C2orf76: variants seen among roughly 807,000 people sequenced by gnomAD.
C2orf76 encodes the protein chromosome 2 open reading frame 76.
Under a neutral mutation model 16.9 loss-of-function variants are expected in C2orf76, and 23 were observed. The ratio of observed to expected loss-of-function variants is 1.36; its 90% CI spans 0.98 to 1.93. The LOEUF (loss-of-function observed/expected upper bound fraction) is 1.93, where lower values mean the gene tolerates loss of function less well. C2orf76 is among the 30% of genes most tolerant of loss of function. The probability of loss-of-function intolerance (pLI) is 0.00; values close to 1 mark genes in which losing one functional copy is unlikely to be tolerated. For missense variants in C2orf76, 152 were observed against 152.6 expected, an observed-to-expected ratio of 1.00 and a Z score of 0.02; for synonymous variants, 48 against 52.3, an observed-to-expected ratio of 0.92 and a Z score of 0.35.
intron 1 of C2orf76, among the ~76,000 whole-genome samples, chr2:119,347,547 G>C (rs1680244054): frequency 6.6e-6 from 1 of 152,018 alleles, no homozygotes; most frequent in South Asian, 2.1e-4. Flanking sequence ...CCCTAGCAGA[G>C]GAAAAACAAT....
chr2:119,334,429 A>G (rs1460159852), intron 2 of C2orf76, among the ~76,000 whole-genome samples: 2 of 150,596 alleles, frequency 1.3e-5, no homozygotes, highest in South Asian at 2.1e-4. Flanking sequence ...ACTCACACCT[A>G]TAATTCCAGC....
At chr2:119,350,066 A>AC (rs1489941272) in intron 1 of C2orf76, among the ~76,000 whole-genome samples, 23 of 33,788 alleles carry the variant, frequency 6.8e-4, no homozygotes, top group Middle Eastern at 0.019. Context: ...CCCCGCCCAC[A>AC]CCGCCCCCCG....
At chr2:119,339,136 C>G (rs1009983904) in intron 2 of C2orf76, 3 of 152,162 alleles carry the variant, frequency 2.0e-5, no homozygotes, top group Admixed American at 2.0e-4. Flanking sequence ...GGATATAAAG[C>G]AATACCTTTG....
Position 119,356,568 on chromosome 2 carries a change from T to C in C2orf76, c.-13+10222A>G, listed in dbSNP as rs986918124. Among the ~76,000 whole-genome samples the C allele has an allele frequency of 6.0e-5, 9 of 151,244 alleles. 1 individual carries two copies. The highest frequency in any genetic ancestry group is 4.0e-4 in the Admixed American group (6 of 15,154). ...TAAATGAGAAAAAGTCTCAAGTCAA[T>C]AATCTAAGCTCCCACCTCAAGAACC... On this transcript the variant is annotated intron_variant, in intron 1 of 5. Coordinates refer to ENST00000334816, the MANE Select transcript of C2orf76 (RefSeq NM_001322331.2).
intron 1 of C2orf76, among the ~76,000 whole-genome samples, chr2:119,361,077 T>G (rs1198461148): frequency 6.6e-6 from 1 of 152,198 alleles, no homozygotes; most frequent in African/African-American, 2.4e-5. Context: ...ATGTATTGAT[T>G]GTGTTATGTA....
At chr2:119,351,660 A>G (rs1336505334) in intron 1 of C2orf76, among the ~76,000 whole-genome samples, 14 of 152,152 alleles carry the variant, frequency 9.2e-5, no homozygotes, top group Non-Finnish European at 2.1e-4. Flanking sequence ...AGGCTGAGGT[A>G]GGAGGATCCC....
intron 1 of C2orf76, among the ~76,000 whole-genome samples, chr2:119,360,477 C>CAAAA (rs770401400): frequency 9.0e-5 from 6 of 66,898 alleles, no homozygotes; most frequent in Admixed American, 3.7e-4. Context: ...AACTCTGTCT[C>CAAAA]AAAAAAAAAA....
At chr2:119,353,669 T>G (rs1680476021) in intron 1 of C2orf76, among the ~76,000 whole-genome samples, 1 of 151,506 alleles carries the variant, frequency 6.6e-6, no homozygotes, top group African/African-American at 2.4e-5. Flanking sequence ...GTTCAAGTGA[T>G]TCTCCTGCGC....
chr2:119,315,870 C>T (rs984480876), intron 4 of C2orf76, among the ~76,000 whole-genome samples: 5 of 152,104 alleles, frequency 3.3e-5, no homozygotes, highest in East Asian at 3.8e-4. Flanking sequence ...TTTTGTCTTC[C>T]GATGACAGGA....
At chr2:119,345,605 T>C (rs985242435) in intron 1 of C2orf76, among the ~76,000 whole-genome samples, 3 of 152,216 alleles carry the variant, frequency 2.0e-5, no homozygotes, top group African/African-American at 7.2e-5. Flanking sequence ...AAGGCACTAA[T>C]TTGTTTTTCT....
At chr2:119,352,334 CA>C (rs1281077265) in intron 1 of C2orf76, among the ~76,000 whole-genome samples, 1 of 152,192 alleles carries the variant, frequency 6.6e-6, no homozygotes, top group African/African-American at 2.4e-5. Flanking sequence ...GAAAAAGGTA[CA>C]ACTTTCAAAA....
chr2:119,364,975 T>C (rs919279524), intron 1 of C2orf76, among the ~76,000 whole-genome samples: 3 of 152,054 alleles, frequency 2.0e-5, no homozygotes, highest in African/African-American at 7.2e-5. Context: ...TTCCAGCTAC[T>C]CGGGAGGCTA....
intron 2 of C2orf76, among the ~76,000 whole-genome samples, chr2:119,325,057 C>T (rs760261745): frequency 4.7e-5 from 7 of 150,014 alleles, no homozygotes; most frequent in Non-Finnish European, 8.9e-5. Flanking sequence ...AATTGGTGGC[C>T]GAGTGCAGGG....
chr2:119,294,751 C>A, the C2orf76 span, among the ~76,000 whole-genome samples: 1 of 152,166 alleles, frequency 6.6e-6, no homozygotes, highest in African/African-American at 2.4e-5. Context: ...AGCTCAGCAG[C>A]CATGACCGAC....
At chr2:119,296,416 T>C in the C2orf76 span, among the ~76,000 whole-genome samples, 1 of 152,126 alleles carries the variant, frequency 6.6e-6, no homozygotes, top group Non-Finnish European at 1.5e-5. Flanking sequence ...CATGTATGCA[T>C]GTGTACACGT....
At chr2:119,342,916 C>T (rs1011285375) in intron 1 of C2orf76, among the ~76,000 whole-genome samples, 16 of 152,000 alleles carry the variant, frequency 1.1e-4, no homozygotes, top group African/African-American at 2.7e-4. Context: ...ACTACAGGTA[C>T]GCGCCACCAG....
At chr2:119,358,866 G>C (rs1680654804) in intron 1 of C2orf76, among the ~76,000 whole-genome samples, 2 of 152,182 alleles carry the variant, frequency 1.3e-5, no homozygotes, top group Non-Finnish European at 2.9e-5. Context: ...GCTGCACCAA[G>C]TTATCCTGAA....
At chr2:119,315,163 ACT>A (rs1187059165) in intron 4 of C2orf76, among the ~76,000 whole-genome samples, 1 of 152,036 alleles carries the variant, frequency 6.6e-6, no homozygotes, top group East Asian at 1.9e-4. Flanking sequence ...TAAACACACC[ACT>A]GATTACCATC....
chr2:119,344,011 T>C (rs1324789292), intron 1 of C2orf76, among the ~76,000 whole-genome samples: 2 of 152,222 alleles, frequency 1.3e-5, no homozygotes, highest in Admixed American at 6.5e-5. Flanking sequence ...CTTGCATTCC[T>C]CATGAAACTG....
Sources: allele counts gnomAD v4.1 joint callset (sites outside exome capture counted in the v4.1 genomes callset), GRCh38; gene constraint gnomAD v4.1.1; transcripts MANE v1.5; gene names NCBI Gene and HGNC (gene_info 2026-07-23, HGNC 2026-07-21).